STARD13: variants seen among roughly 807,000 people sequenced by gnomAD.
The protein encoded by STARD13 is stAR-related lipid transfer protein 13.
In STARD13, 62 loss-of-function variants were observed where a neutral mutation model predicts 106.4. The ratio of observed to expected loss-of-function variants is 0.58; its 90% CI spans 0.48 to 0.72. The LOEUF (loss-of-function observed/expected upper bound fraction) is 0.72, where lower values mean the gene tolerates loss of function less well. Among genes scored for constraint, STARD13 ranks in the 30% least tolerant of loss-of-function variants. The pLI is 0.00. For missense variants in STARD13, 1,387 were observed against 1,424.0 expected, an observed-to-expected ratio of 0.97 and a Z score of 0.42; for synonymous variants, 565 against 553.0, an observed-to-expected ratio of 1.02 and a Z score of -0.31.
chr13:33,152,670 G>C (rs1881433418), intron 3 of STARD13, among the ~76,000 whole-genome samples: 1 of 152,160 alleles, frequency 6.6e-6, no homozygotes, highest in Non-Finnish European at 1.5e-5. Flanking sequence ...GCCCAGCCCA[G>C]CCCACATACC....
the STARD13 span, among the ~76,000 whole-genome samples, chr13:33,510,513 A>G: frequency 1.3e-5 from 2 of 152,302 alleles, no homozygotes; most frequent in South Asian, 2.1e-4. Context: ...GGCTGCTATC[A>G]TGGAAACCTG....
chr13:33,235,294 C>G (rs1035282442), intron 1 of STARD13, among the ~76,000 whole-genome samples: 2 of 152,146 alleles, frequency 1.3e-5, no homozygotes, highest in Non-Finnish European at 1.5e-5. Context: ...TTCCATGAGG[C>G]CATATCTAGC....
intron 1 of STARD13, among the ~76,000 whole-genome samples, chr13:33,275,210 T>C (rs1198191524): frequency 6.6e-6 from 1 of 152,194 alleles, no homozygotes; most frequent in Non-Finnish European, 1.5e-5. Flanking sequence ...ACCTCTTTTG[T>C]TTCAAATTTT....
In STARD13 at chr13:33,206,080, T is replaced by C. The variant is rs987057226; in HGVS notation, c.170-38458A>G. 8.6e-6 allele frequency: 8 copies of C among 932,076 alleles called. No individual in the cohort carries two copies. In the East Asian group the frequency reaches 4.7e-4, roughly 54 times the overall value. The allele number at this position is 932,076 out of a possible 1,614,324, so 57.7% of individuals were successfully genotyped here. ...TTGGTTTTGGCCCCGCCTCCAGCTCTAAGAGAAAAAAACGAAAACTCACAG... is the reference window on the plus strand; with the variant it reads ...TTGGTTTTGGCCCCGCCTCCAGCTCCAAGAGAAAAAAACGAAAACTCACAG... On this transcript the variant is annotated intron_variant, in intron 1 of 13. Coordinates refer to ENST00000336934, the MANE Select transcript of STARD13 (RefSeq NM_178006.4).
At chr13:33,298,776 G>A (rs962614831) in intron 1 of STARD13, among the ~76,000 whole-genome samples, 8 of 152,064 alleles carry the variant, frequency 5.3e-5, no homozygotes, top group African/African-American at 1.7e-4. Flanking sequence ...AGGATTTTGT[G>A]TCCTTTCTTG....
At chr13:33,275,678 A>T (rs1039914722) in intron 1 of STARD13, 1 of 152,226 alleles carries the variant, frequency 6.6e-6, no homozygotes, top group African/African-American at 2.4e-5. Flanking sequence ...GACATTCTTG[A>T]TCCCACAGGA....
chr13:33,173,556 T>C (rs1884205962), intron 1 of STARD13, among the ~76,000 whole-genome samples: 1 of 151,998 alleles, frequency 6.6e-6, no homozygotes, highest in African/African-American at 2.4e-5. Flanking sequence ...TTTTGCACTT[T>C]TAAAATTATA....
At chr13:33,270,115 A>G (rs1163294054) in intron 1 of STARD13, among the ~76,000 whole-genome samples, 1 of 152,202 alleles carries the variant, frequency 6.6e-6, no homozygotes, top group East Asian at 1.9e-4. Context: ...AGGTGCCTGT[A>G]ATCCCAGCTA....
intron 1 of STARD13, among the ~76,000 whole-genome samples, chr13:33,267,677 T>C (rs1890964597): frequency 6.6e-6 from 1 of 152,204 alleles, no homozygotes; most frequent in Admixed American, 6.5e-5. Context: ...TAAATGCACT[T>C]CATTTTCTGT....
chr13:33,541,016 T>G, the STARD13 span, among the ~76,000 whole-genome samples: 28 of 152,170 alleles, frequency 1.8e-4, no homozygotes, highest in African/African-American at 6.8e-4. Flanking sequence ...TGAGGATATT[T>G]GCAAAGGAGT....
chr13:33,628,182 CA>C, the STARD13 span, among the ~76,000 whole-genome samples: 33 of 146,602 alleles, frequency 2.3e-4, no homozygotes, highest in East Asian at 9.7e-4. Context: ...CACACACACA[CA>C]CACACACACC....
At chr13:33,307,271 A>G (rs908172990) in intron 1 of STARD13, among the ~76,000 whole-genome samples, 1 of 152,262 alleles carries the variant, frequency 6.6e-6, no homozygotes, top group African/African-American at 2.4e-5. Context: ...ACCTAAAAGC[A>G]GAACTACCAT....
chr13:33,499,552 C>CTTA, the STARD13 span, among the ~76,000 whole-genome samples: 1 of 55,870 alleles, frequency 1.8e-5, no homozygotes, highest in African/African-American at 6.7e-5. Context: ...TCTTCTTCTT[C>CTTA]TTCTTCTTCT....
intron 4 of STARD13, among the ~76,000 whole-genome samples, chr13:33,133,981 G>T (rs1024603415): frequency 2.6e-5 from 4 of 152,260 alleles, no homozygotes; most frequent in Admixed American, 2.0e-4. Context: ...AATAGTTTGT[G>T]ATTATTTAGA....
At chr13:33,363,078 G>A in the STARD13 span, among the ~76,000 whole-genome samples, 27 of 152,332 alleles carry the variant, frequency 1.8e-4, no homozygotes, top group Admixed American at 1.0e-3. Flanking sequence ...AGGGACACAC[G>A]CTGGGCCAAG....
At chr13:33,265,486 C>T (rs1023481571) in intron 1 of STARD13, among the ~76,000 whole-genome samples, 6 of 152,132 alleles carry the variant, frequency 3.9e-5, no homozygotes, top group African/African-American at 1.4e-4. Context: ...TTTCAGACAA[C>T]TTGTACCAAT....
chr13:33,578,138 A>G, the STARD13 span, among the ~76,000 whole-genome samples: 2 of 152,154 alleles, frequency 1.3e-5, no homozygotes, highest in Non-Finnish European at 2.9e-5. Context: ...TTTTTCACAG[A>G]ATTAGAAAAT....
the STARD13 span, among the ~76,000 whole-genome samples, chr13:33,453,310 C>T: frequency 5.9e-5 from 9 of 152,258 alleles, no homozygotes; most frequent in African/African-American, 9.6e-5. Context: ...GCTGAATATA[C>T]GCCAATAGAG....
At chr13:33,395,024 CAG>C in the STARD13 span, among the ~76,000 whole-genome samples, 3 of 152,168 alleles carry the variant, frequency 2.0e-5, no homozygotes, top group Admixed American at 6.5e-5. Flanking sequence ...CATCAGGACT[CAG>C]GGAGCCATCA....
Sources: gnomAD v4.1 joint callset for allele counts (sites outside exome capture counted in the v4.1 genomes callset) on GRCh38, gnomAD v4.1.1 for gene constraint, MANE v1.5 for transcripts, NCBI Gene and HGNC (gene_info 2026-07-23, HGNC 2026-07-21) for gene names.